Variants in CACNA2D1 observed in about 807,000 individuals in gnomAD.
CACNA2D1 encodes the protein voltage-dependent calcium channel subunit alpha-2/delta-1.
In CACNA2D1, 53 loss-of-function variants were observed where a neutral mutation model predicts 171.5. That is an observed-to-expected ratio of 0.31 (90% CI 0.25 to 0.39). The LOEUF is 0.39. Among genes scored for constraint, CACNA2D1 ranks in the 10% least tolerant of loss-of-function variants. CACNA2D1 has a pLI of 1.00. For missense variants in CACNA2D1, 903 were observed against 1,299.8 expected, an observed-to-expected ratio of 0.69 and a Z score of 4.69; for synonymous variants, 442 against 443.1, an observed-to-expected ratio of 1.00 and a Z score of 0.03.
intron 36 of CACNA2D1, among the ~76,000 whole-genome samples, chr7:81,960,093 A>G (rs1013651354): frequency 2.6e-5 from 4 of 151,896 alleles, no homozygotes; most frequent in Admixed American, 2.6e-4. Context: ...TCATTGCAAA[A>G]TAAGCACAAT....
At chr7:82,248,119 A>G (rs139853564) in intron 3 of CACNA2D1, among the ~76,000 whole-genome samples, 6 of 152,360 alleles carry the variant, frequency 3.9e-5, no homozygotes, top group Admixed American at 6.5e-5. Flanking sequence ...TTAAGTTGCC[A>G]TAGGTCACAA....
intron 1 of CACNA2D1, among the ~76,000 whole-genome samples, chr7:82,430,498 T>C (rs1371963531): frequency 6.6e-6 from 1 of 152,054 alleles, no homozygotes; most frequent in African/African-American, 2.4e-5. Context: ...CATTAATCAT[T>C]AGTCATGGTA....
intron 1 of CACNA2D1, among the ~76,000 whole-genome samples, chr7:82,395,870 T>C (rs945065155): frequency 6.6e-6 from 1 of 152,138 alleles, no homozygotes; most frequent in African/African-American, 2.4e-5. Flanking sequence ...GTCCCAATCA[T>C]TGGCATAAAA....
chr7:82,029,871 T>A (rs138522020), intron 12 of CACNA2D1: 1 of 151,788 alleles, frequency 6.6e-6, no homozygotes, highest in Admixed American at 6.6e-5. Flanking sequence ...AGAGACAAAA[T>A]TAAATGAAAC....
chr7:82,287,153 C>T (rs6952106), intron 3 of CACNA2D1, among the ~76,000 whole-genome samples: 12,358 of 152,118 alleles, frequency 0.081, 1,670 homozygotes, highest in African/African-American at 0.28. Context: ...TTTTCCTTTT[C>T]CTGTAGAATT....
rs1298015660 is a variant in CACNA2D1 at position 81,970,131 on chromosome 7, TCA to T, written c.2205-149_2205-148del. 6 of 669,540 alleles carry T rather than the reference TCA, an allele frequency of 9.0e-6. 1 individual carries two copies. The highest frequency in any genetic ancestry group is 1.6e-5 in the Non-Finnish European group (6 of 364,498). The allele number at this position is 669,540 out of a possible 1,614,324, so 41.5% of individuals were successfully genotyped here. ...TGGTAATTGATAGCATAACTGATAC[TCA>T]TTACTGAGCAATGCATCAGCATAGC... On this transcript the variant is annotated intron_variant, in intron 27 of 38. Coordinates refer to ENST00000356860, the MANE Select transcript of CACNA2D1 (RefSeq NM_000722.4).
At chr7:82,300,237 TCA>T (rs1188178187) in intron 3 of CACNA2D1, among the ~76,000 whole-genome samples, 2 of 151,904 alleles carry the variant, frequency 1.3e-5, no homozygotes, top group African/African-American at 2.4e-5. Context: ...GCAAATACTC[TCA>T]GACAGCAATA....
At chr7:82,290,328 A>T (rs953969170) in intron 3 of CACNA2D1, among the ~76,000 whole-genome samples, 1 of 152,156 alleles carries the variant, frequency 6.6e-6, no homozygotes, top group African/African-American at 2.4e-5. Context: ...GTTATGGCAA[A>T]AATAGACAAT....
At chr7:81,964,668 G>A (rs1331371870) in intron 32 of CACNA2D1, among the ~76,000 whole-genome samples, 1 of 151,822 alleles carries the variant, frequency 6.6e-6, no homozygotes, top group Non-Finnish European at 1.5e-5. Flanking sequence ...GGAATGGAGA[G>A]GTATAAGTGG....
intron 6 of CACNA2D1, among the ~76,000 whole-genome samples, chr7:82,085,966 A>G (rs1810435323): frequency 6.6e-6 from 1 of 152,280 alleles, no homozygotes; most frequent in African/African-American, 2.4e-5. Flanking sequence ...TAATTGGCCT[A>G]ATATAATTTT....
At position 82,063,615 on chromosome 7, in the gene CACNA2D1, A is replaced by G. The variant is rs117947161; in HGVS notation, c.779+689T>C. On this transcript the variant is annotated intron_variant, in intron 9 of 38. Transcript: ENST00000356860. Reference sequence around the variant, plus strand: ...AGCATTTCTTCTCTTGAGGAAAAACATGAGTAACCTAAGCATTTTACACTT... The same window carrying G: ...AGCATTTCTTCTCTTGAGGAAAAACGTGAGTAACCTAAGCATTTTACACTT... Among the ~76,000 whole-genome samples the G allele has an allele frequency of 1.6e-3, 250 of 151,838 alleles. 3 individuals are homozygous for G. In the East Asian group the frequency reaches 0.019, roughly 11 times the overall value.
At chr7:82,403,315 T>G (rs948016192) in intron 1 of CACNA2D1, among the ~76,000 whole-genome samples, 11 of 152,244 alleles carry the variant, frequency 7.2e-5, no homozygotes, top group Non-Finnish European at 4.4e-5. Flanking sequence ...AGTATATCTT[T>G]GTATTAGTTA....
intron 1 of CACNA2D1, among the ~76,000 whole-genome samples, chr7:82,352,931 C>A (rs1299971509): frequency 6.6e-6 from 1 of 152,036 alleles, no homozygotes; most frequent in Non-Finnish European, 1.5e-5. Context: ...GAGTGATAGG[C>A]CAGGCCAAGG....
rs1259611492 is a variant in CACNA2D1, at chr7:81,948,028, C to A, written c.*2364G>T. On this transcript the variant is annotated 3_prime_UTR_variant, in exon 39 of 39. Coordinates refer to ENST00000356860, the MANE Select transcript of CACNA2D1 (RefSeq NM_000722.4). ...AGTTTAACCGCGATTAATACAATAA[C>A]AATGTAATTGATGAAAACATATACT... is the stretch of plus-strand genomic sequence containing the variant. The A allele has an allele frequency of 1.3e-5, 2 of 151,660 alleles. No homozygotes were observed. Among genetic ancestry groups the A allele is most frequent in the Non-Finnish European group, 3.0e-5 (2 of 67,772 alleles). The allele number at this position is 151,660 out of a possible 1,614,324, so 9.4% of individuals were successfully genotyped here.
intron 3 of CACNA2D1, among the ~76,000 whole-genome samples, chr7:82,253,724 A>G (rs535932879): frequency 7.1e-4 from 108 of 152,302 alleles, no homozygotes; most frequent in Non-Finnish European, 1.2e-3. Context: ...TGATTTTTAC[A>G]CTAGAAATAA....
chr7:82,147,063 C>A (rs556980013), intron 4 of CACNA2D1, among the ~76,000 whole-genome samples: 5 of 145,106 alleles, frequency 3.4e-5, no homozygotes, highest in Non-Finnish European at 6.0e-5. Context: ...CACACACATA[C>A]CTGCACACAT....
At chr7:81,965,102 A>G (rs1360426021) in intron 32 of CACNA2D1, among the ~76,000 whole-genome samples, 1 of 151,840 alleles carries the variant, frequency 6.6e-6, no homozygotes, top group Non-Finnish European at 1.5e-5. Flanking sequence ...AAAAACAAAC[A>G]AAGCCCAGGG....
intron 3 of CACNA2D1, among the ~76,000 whole-genome samples, chr7:82,221,363 A>C (rs1801740640): frequency 6.6e-6 from 1 of 152,200 alleles, no homozygotes; most frequent in Non-Finnish European, 1.5e-5. Flanking sequence ...ATGATGACTC[A>C]GGACTGAATA....
At chr7:82,170,699 A>G in intron 3 of CACNA2D1, 90 bp from the exon 4 acceptor site, 1 of 1,161,838 alleles carries the variant, frequency 8.6e-7, no homozygotes, top group Non-Finnish European at 1.3e-6. Flanking sequence ...ATCAATTTTG[A>G]GGACATAAAA....
Sources: gnomAD v4.1 joint callset for allele counts (sites outside exome capture counted in the v4.1 genomes callset) on GRCh38, gnomAD v4.1.1 for gene constraint, MANE v1.5 for transcripts, NCBI Gene and HGNC (gene_info 2026-07-23, HGNC 2026-07-21) for gene names.